The following NUP98 variants were observed in gnomAD, a reference collection of about 807,000 sequenced individuals.
NUP98 encodes nuclear pore complex protein Nup98-Nup96.
NUP98 carries 26 observed loss-of-function variants against 191.9 expected under a neutral mutation model. The ratio of observed to expected loss-of-function variants is 0.14; its 90% CI spans 0.10 to 0.19. NUP98 has a LOEUF of 0.19. Ranked by LOEUF, NUP98 falls within the 10% of genes least tolerant of loss-of-function variation. The pLI, the probability that NUP98 is intolerant of heterozygous loss-of-function variation, is 1.00. For synonymous variants in NUP98, 808 were observed against 778.4 expected (o/e 1.04, Z -0.63); for missense variants, 1,941 against 2,178.8 (o/e 0.89, Z 2.17).
rs761085712 is a variant in NUP98, at chr11:3,676,182, C to G, written c.5380G>C (p.Glu1794Gln). 9 of 1,614,122 alleles carry G rather than the reference C, an allele frequency of 5.6e-6. No homozygotes were observed. Among genetic ancestry groups the G allele is most frequent in the Non-Finnish European group, 7.6e-6 (9 of 1,180,046 alleles). ...LRSLTQSYLR[E>Q]LAVGSL ...GCTCACAGGCTCCCAACAGCCAGTTCTCGCAGATAGGACTGGGTAAGGCTG... is the reference window on the plus strand; with the variant it reads ...GCTCACAGGCTCCCAACAGCCAGTTGTCGCAGATAGGACTGGGTAAGGCTG... The change falls in exon 33 of 33, where the codon GAA becomes CAA. Residue 1794 changes from glutamate (E) to glutamine (Q), a missense_variant. Physicochemically the swap from Glu to Gln is conservative, Grantham distance 29 (BLOSUM62 2). This residue lies in a region of NUP98 where 1,030 missense variants were observed against 1,115.8 expected (regional missense o/e 0.92). Coordinates refer to ENST00000324932, the MANE Select transcript of NUP98 (RefSeq NM_016320.5).
At chr11:3,710,569 T>C (rs926520778) in intron 20 of NUP98, among the ~76,000 whole-genome samples, 1 of 152,148 alleles carries the variant, frequency 6.6e-6, no homozygotes, top group Non-Finnish European at 1.5e-5. Flanking sequence ...GCTGAAGTTT[T>C]GCAATCAACC....
In NUP98 at chr11:3,695,575, CTG is replaced by C. The variant is rs775717727; in HGVS notation, c.4039_4040del (p.Gln1347ValfsTer4). On this transcript the variant is annotated frameshift_variant, in exon 26 of 33. Transcript: ENST00000324932. LOFTEE classifies it high-confidence loss of function. Reference sequence around the variant, plus strand: ...CCCGGACTGACTGGCTACCCACAAACTGAGATAAAAGAAGAGCAAGACGATGA... The same window carrying C: ...CCCGGACTGACTGGCTACCCACAAACAGATAAAAGAAGAGCAAGACGATGA... Reference protein sequence around the residue: ...GDHRLALLLSQFVGSQSVREL... With the variant: ...GDHRLALLLSXFVGSQSVREL... 6.3e-7 allele frequency: 1 copy of C among 1,598,358 alleles called. No individual in the cohort carries two copies. Among genetic ancestry groups the C allele is most frequent in the South Asian group, 1.1e-5 (1 of 88,450 alleles).
intron 9 of NUP98, among the ~76,000 whole-genome samples, chr11:3,760,941 T>C (rs1214574020): frequency 6.6e-6 from 1 of 152,168 alleles, no homozygotes; most frequent in East Asian, 1.9e-4. Context: ...TCAAATATCT[T>C]TTTACCTGTT....
At chr11:3,701,989 A>T (rs1216870702) in intron 23 of NUP98, among the ~76,000 whole-genome samples, 1 of 151,842 alleles carries the variant, frequency 6.6e-6, no homozygotes, top group African/African-American at 2.4e-5. Context: ...TTTCAAAGTC[A>T]ACTTTAAAAA....
chr11:3,711,288 G>C (rs1049053869), intron 20 of NUP98, among the ~76,000 whole-genome samples: 1 of 151,906 alleles, frequency 6.6e-6, no homozygotes, highest in Admixed American at 6.6e-5. Context: ...ACCTCTTTTT[G>C]CTAGAACCTT....
intron 13 of NUP98, among the ~76,000 whole-genome samples, chr11:3,732,960 T>C (rs747079667): frequency 6.6e-6 from 1 of 152,244 alleles, no homozygotes; most frequent in Admixed American, 6.5e-5. Context: ...AAAAGTTAAA[T>C]GTTCCTCTTC....
At chr11:3,709,940 C>A (rs896190719) in intron 20 of NUP98, among the ~76,000 whole-genome samples, 21 of 139,728 alleles carry the variant, frequency 1.5e-4, no homozygotes, top group Non-Finnish European at 3.0e-4. Context: ...AACCTGCACA[C>A]TGTGCACATG....
intron 12 of NUP98, among the ~76,000 whole-genome samples, chr11:3,738,153 C>T (rs2080145884): frequency 6.8e-6 from 1 of 147,682 alleles, no homozygotes; most frequent in South Asian, 2.1e-4. Context: ...AGTGCATGAG[C>T]ATGATTTTAT....
chr11:3,739,690 T>C (rs896397407), intron 12 of NUP98, among the ~76,000 whole-genome samples: 1 of 151,890 alleles, frequency 6.6e-6, no homozygotes, highest in African/African-American at 2.4e-5. Flanking sequence ...TGACAAACAA[T>C]GGGAAGGTGG....
Position 3,782,056 on chromosome 11 carries a change from G to C in NUP98, c.62C>G (p.Ser21Ter). The change falls in exon 2 of 33, where the codon TCA becomes TGA. Residue 21 changes from serine to a stop codon, truncating the protein, a stop_gained. Coordinates refer to ENST00000324932, the MANE Select transcript of NUP98 (RefSeq NM_016320.5). LOFTEE classifies it high-confidence loss of function. ...GGGTGGFGTT[S>*]TFGQNTGFGT... ...TAAAAACTTACTCTGTCCAAATGTT[G>C]AAGTTGTGCCAAAGCCACCTGTGCC... The C allele has an allele frequency of 6.2e-7, 1 of 1,612,386 alleles. No individual in the cohort carries two copies. The highest frequency in any genetic ancestry group is 8.5e-7 in the Non-Finnish European group (1 of 1,179,016).
intron 18 of NUP98, among the ~76,000 whole-genome samples, chr11:3,715,681 G>A (rs1006107808): frequency 6.6e-6 from 1 of 152,086 alleles, no homozygotes; most frequent in Non-Finnish European, 1.5e-5. Context: ...CTCTGTTCGA[G>A]ACCAACCTGG....
chr11:3,762,949 T>C lies in NUP98; in HGVS notation c.1039A>G (p.Thr347Ala), dbSNP rs751688099. 1 of 1,614,070 alleles carries C rather than the reference T, an allele frequency of 6.2e-7. No individual in the cohort carries two copies. Among genetic ancestry groups the C allele is most frequent in the African/African-American group, 1.3e-5 (1 of 74,932 alleles). The change falls in exon 9 of 33, where the codon ACA (threonine) becomes GCA (alanine). Residue 347 changes from threonine (T) to alanine (A), a missense_variant. This residue lies in a region of NUP98 where 181 missense variants were observed against 228.0 expected (regional missense o/e 0.79). Transcript: ENST00000324932. Reference sequence around the variant, plus strand: ...GTATTGGTCTGCCCAAAGAGACCTGTTCCTGTTCCAAATGCTGTCCCAGTG... The same window carrying C: ...GTATTGGTCTGCCCAAAGAGACCTGCTCCTGTTCCAAATGCTGTCCCAGTG... Reference protein sequence around the residue: ...TSTGTAFGTGTGLFGQTNTGF... With the variant: ...TSTGTAFGTGAGLFGQTNTGF...
At chr11:3,773,890 C>A in intron 5 of NUP98, 151 bp from the exon 6 acceptor site, 1 of 526,652 alleles carries the variant, frequency 1.9e-6, no homozygotes, top group South Asian at 2.7e-5. Flanking sequence ...AATATACTGC[C>A]ATTTCTGATC....
intron 9 of NUP98, among the ~76,000 whole-genome samples, chr11:3,761,534 T>C (rs2081167752): frequency 6.6e-6 from 1 of 151,992 alleles, no homozygotes; most frequent in Admixed American, 6.6e-5. Context: ...CCAAGGCAGG[T>C]GGATCACGAG....
intron 13 of NUP98, among the ~76,000 whole-genome samples, chr11:3,734,822 G>A (rs1399138150): frequency 1.3e-5 from 2 of 152,086 alleles, no homozygotes; most frequent in Non-Finnish European, 2.9e-5. Flanking sequence ...ATCCCAGCAC[G>A]TTGGGAGACC....
chr11:3,705,073 T>C (rs1050067656), intron 22 of NUP98, 127 bp downstream of exon 22: 2 of 834,864 alleles, frequency 2.4e-6, no homozygotes, highest in Non-Finnish European at 3.8e-6. Flanking sequence ...AGCACCCTTA[T>C]GTCACAGGTA....
chr11:3,749,913 T>A (rs1325767986), intron 11 of NUP98, among the ~76,000 whole-genome samples: 1 of 152,184 alleles, frequency 6.6e-6, no homozygotes, highest in Non-Finnish European at 1.5e-5. Context: ...AAAGGCAAAT[T>A]AGCAAATTCA....
intron 28 of NUP98, among the ~76,000 whole-genome samples, chr11:3,689,368 T>C (rs1485574155): frequency 1.3e-5 from 2 of 151,624 alleles, no homozygotes; most frequent in Non-Finnish European, 2.9e-5. Context: ...CTACTAAAAA[T>C]ACAAAAAAAT....
chr11:3,758,043 C>A (rs544834316), intron 10 of NUP98, among the ~76,000 whole-genome samples: 1 of 151,908 alleles, frequency 6.6e-6, no homozygotes, highest in African/African-American at 2.4e-5. Context: ...ACAGGCCAGG[C>A]GTGGTGGCTC....
Sources: gnomAD v4.1 joint callset for allele counts (sites outside exome capture counted in the v4.1 genomes callset) on GRCh38, gnomAD v4.1.1 for gene constraint, gnomAD v4.1.1 regional missense constraint, MANE v1.5 for transcripts, NCBI Gene and HGNC (gene_info 2026-07-23, HGNC 2026-07-21) for gene names.